The following DOK7 variants were observed in gnomAD, a reference collection of about 807,000 sequenced individuals.
DOK7 encodes docking protein 7.
A neutral mutation model predicts 30.7 loss-of-function variants in DOK7; 32 were observed. The ratio of observed to expected loss-of-function variants is 1.04; its 90% CI spans 0.79 to 1.40. The LOEUF is 1.40. Among genes scored for constraint, DOK7 ranks in the 40% most tolerant of loss-of-function variants. The pLI is 0.00. For synonymous variants in DOK7, 447 were observed against 324.1 expected (o/e 1.38, Z -4.07); for missense variants, 1,007 against 699.2 (o/e 1.44, Z -4.97).
At chr4:3,472,181 C>T (rs905413677) in intron 2 of DOK7, among the ~76,000 whole-genome samples, 16 of 152,234 alleles carry the variant, frequency 1.1e-4, no homozygotes, top group African/African-American at 3.4e-4. Context: ...GAGGTGGGCA[C>T]GGCTGGGGAG....
intron 3 of DOK7, 93 bp downstream of exon 3, chr4:3,473,729 C>T: frequency 8.2e-7 from 1 of 1,225,600 alleles, no homozygotes; most frequent in Non-Finnish European, 1.1e-6. Flanking sequence ...GGAGCGGCTC[C>T]AGGGAACCGT....
intron 6 of DOK7, chr4:3,500,245 C>T (rs1350873342): frequency 2.6e-6 from 4 of 1,535,126 alleles, no homozygotes; most frequent in East Asian, 4.9e-5. Flanking sequence ...GCCGCTCCCC[C>T]CACAGGATCC....
chr4:3,483,957 G>A (rs2109364360), intron 4 of DOK7, among the ~76,000 whole-genome samples: 1 of 152,314 alleles, frequency 6.6e-6, no homozygotes, highest in East Asian at 1.9e-4. Context: ...CATCCTCCTG[G>A]ATGGCATCGC....
intron 2 of DOK7, among the ~76,000 whole-genome samples, chr4:3,467,612 GCGTGTGCA>G (rs1201727786): frequency 1.3e-5 from 2 of 152,100 alleles, no homozygotes; most frequent in African/African-American, 4.8e-5. Flanking sequence ...CACCGTGGGA[GCGTGTGCA>G]CGTGTGAGCA....
chr4:3,491,501 C>T (rs1399888069), intron 6 of DOK7, among the ~76,000 whole-genome samples: 1 of 81,200 alleles, frequency 1.2e-5, no homozygotes, highest in East Asian at 9.3e-4. Context: ...TGTCCCTCCG[C>T]TTATTCCTTC....
intron 2 of DOK7, among the ~76,000 whole-genome samples, chr4:3,468,452 CTGTG>C (rs1423587696): frequency 7.2e-6 from 1 of 139,554 alleles, no homozygotes; most frequent in Non-Finnish European, 1.6e-5. Context: ...GAGTGTGTGC[CTGTG>C]TGTGCATGTA....
intron 6 of DOK7, among the ~76,000 whole-genome samples, chr4:3,490,121 T>TTTCTTCACCCCCTTATTCATTCC (rs1560225782): frequency 9.0e-6 from 1 of 110,866 alleles, no homozygotes; most frequent in African/African-American, 3.3e-5. Flanking sequence ...CATTCATTCC[T>TTTCTTCACCCCCTTATTCATTCC]TTTCTCCCTG....
chr4:3,499,013 G>A (rs553812300), downstream of DOK7, among the ~76,000 whole-genome samples: 1 of 152,336 alleles, frequency 6.6e-6, no homozygotes, highest in South Asian at 2.1e-4. Context: ...GCAAGTGAAA[G>A]TTCCTCACCC....
chr4:3,478,614 G>A lies in DOK7; in HGVS notation c.532+2072G>A, dbSNP rs147119501. ...AACGGGGGCTGGCCCCACAGAACCC[G>A]CCTTTGCAGCTCAGTGCTGAATGTT... On this transcript the variant is annotated intron_variant, in intron 4 of 6. Transcript: ENST00000340083. Among the ~76,000 whole-genome samples, 698 of 151,876 alleles carry A rather than the reference G, an allele frequency of 4.6e-3. 5 individuals carry two copies. Among genetic ancestry groups the A allele is most frequent in the Middle Eastern group, 0.031 (9 of 294 alleles).
At chr4:3,492,261 G>A (rs1308197294) in intron 6 of DOK7, among the ~76,000 whole-genome samples, 1 of 152,074 alleles carries the variant, frequency 6.6e-6, no homozygotes, top group South Asian at 2.1e-4. Flanking sequence ...TGAGGGCAGG[G>A]GGCGAGTCGA....
At chr4:3,469,559 G>A (rs1306154514) in intron 2 of DOK7, among the ~76,000 whole-genome samples, 2 of 152,154 alleles carry the variant, frequency 1.3e-5, no homozygotes, top group Non-Finnish European at 2.9e-5. Context: ...CTGGGAGGGT[G>A]TGGCTGGGGC....
chr4:3,477,647 C>T (rs1379071832), intron 4 of DOK7, among the ~76,000 whole-genome samples: 1 of 152,232 alleles, frequency 6.6e-6, no homozygotes, highest in Non-Finnish European at 1.5e-5. Context: ...GGCTCAGGCT[C>T]CACGGACTGG....
Position 3,463,340 on chromosome 4 carries a change from CG to C in DOK7, c.-32del, listed in dbSNP as rs1228639439. 2.1e-6 allele frequency: 3 copies of C among 1,439,416 alleles called. No individual in the cohort carries two copies. The highest frequency in any genetic ancestry group is 3.1e-5 in the Admixed American group (1 of 32,564). 89.2% of individuals were successfully genotyped at this position (1,439,416 alleles called of 1,614,324 possible). A position where few individuals can be genotyped will look rare whatever the true frequency, so the allele number is the denominator to read the frequency against. On this transcript the variant is annotated 5_prime_UTR_variant, in exon 1 of 7. Transcript: ENST00000340083. ...TGAAAGTGACCCTGGGCTGGGGCGCCGGGGCGAGCGCGGCGGCGCGGAACCA... is the reference window on the plus strand; with the variant it reads ...TGAAAGTGACCCTGGGCTGGGGCGCCGGGCGAGCGCGGCGGCGCGGAACCA...
At chr4:3,495,285 C>G (rs1035455826), downstream of DOK7, among the ~76,000 whole-genome samples, 1 of 152,210 alleles carries the variant, frequency 6.6e-6, no homozygotes, top group Non-Finnish European at 1.5e-5. Flanking sequence ...ACGAGTGAGG[C>G]TGTGGCTCCT....
At chr4:3,500,821 A>C (rs1369117279) in exon 8 of DOK7, 12 of 1,531,150 alleles carry the variant, frequency 7.8e-6, no homozygotes, top group Non-Finnish European at 1.0e-5. Flanking sequence ...GCAGCCCCGC[A>C]GTGAGGTCAC....
chr4:3,468,260 G>A (rs62275882), intron 2 of DOK7, among the ~76,000 whole-genome samples: 21,046 of 151,824 alleles, frequency 0.14, 1,555 homozygotes, highest in Middle Eastern at 0.18. Context: ...GTGTGTGTCC[G>A]CGTGCATGTG....
In DOK7 at chr4:3,494,145, C is replaced by T. The variant is rs1728750523; in HGVS notation, c.*644C>T. The T allele has an allele frequency of 1.0e-6, 1 of 985,598 alleles. No homozygotes were observed. The highest frequency in any genetic ancestry group is 4.7e-5 in the South Asian group (1 of 21,304). The allele number at this position is 985,598 out of a possible 1,614,324, so 61.1% of individuals were successfully genotyped here. The stretch of plus-strand genomic sequence containing the variant: ...GGAAGGTTCCGGGAGCAGGTGGTGT[C>T]CTCAGAGCAGCCTCGCCTGCTGACC... On this transcript the variant is annotated 3_prime_UTR_variant, in exon 7 of 7. Coordinates refer to ENST00000340083, the MANE Select transcript of DOK7 (RefSeq NM_173660.5).
Position 3,493,264 on chromosome 4 carries a change from C to G in DOK7, c.1278C>G (p.Pro426=), listed in dbSNP as rs139468087. 2.6e-5 allele frequency: 42 copies of G among 1,611,556 alleles called. No homozygotes were observed. In the East Asian group the frequency reaches 8.7e-4, roughly 33 times the overall value. ...ACAGCCCCCCCTCACAGGGCAGCCC[C>G]GGCAACAGTGCGGCCAGGGACTCAG... ...RDHSPPSQGS[P]GNSAARDSGG... is the part of the protein sequence containing the mutation. Residue 426 remains proline (P), a synonymous_variant, in exon 7 of 7, where the codon CCC becomes CCG. Coordinates refer to ENST00000340083, the MANE Select transcript of DOK7 (RefSeq NM_173660.5).
chr4:3,497,710 C>T (rs898679135), downstream of DOK7, among the ~76,000 whole-genome samples: 39 of 151,254 alleles, frequency 2.6e-4, no homozygotes, highest in African/African-American at 9.2e-4. Context: ...GTGGGGGAGG[C>T]GCCCAGGCAG....
Sources: allele counts gnomAD v4.1 joint callset (sites outside exome capture counted in the v4.1 genomes callset), GRCh38; gene constraint gnomAD v4.1.1; transcripts MANE v1.5; gene names NCBI Gene and HGNC (gene_info 2026-07-23, HGNC 2026-07-21).